RAPGEF2: variants seen among roughly 807,000 people sequenced by gnomAD.
The protein encoded by RAPGEF2 is Rap guanine nucleotide exchange factor 2, also known as PDZ domain containing guanine nucleotide exchange factor (GEF) 1.
In RAPGEF2, 54 loss-of-function variants were observed where a neutral mutation model predicts 186.7. That is an observed-to-expected ratio of 0.29 (90% confidence interval 0.23 to 0.36). The LOEUF is 0.36. Ranked by LOEUF, RAPGEF2 falls within the 10% of genes least tolerant of loss-of-function variation. RAPGEF2 has a pLI of 1.00. For missense variants in RAPGEF2, 1,532 were observed against 2,045.0 expected, an observed-to-expected ratio of 0.75 and a Z score of 4.84; for synonymous variants, 712 against 705.9, an observed-to-expected ratio of 1.01 and a Z score of -0.14.
At chr4:159,322,265 A>C in intron 9 of RAPGEF2, 82 bp from the exon 10 acceptor site, 1 of 1,325,382 alleles carries the variant, frequency 7.5e-7, no homozygotes, top group Non-Finnish European at 1.0e-6. Flanking sequence ...ATTTAAAAAG[A>C]AAGGACCCTA....
chr4:159,164,154 A>G (rs895808981), intron 1 of RAPGEF2, among the ~76,000 whole-genome samples: 25 of 151,872 alleles, frequency 1.6e-4, no homozygotes, highest in African/African-American at 3.1e-4. Flanking sequence ...ACAGGCGCCC[A>G]CCACCACACC....
At chr4:159,257,544 G>C (rs1168518864) in intron 7 of RAPGEF2, among the ~76,000 whole-genome samples, 1 of 152,172 alleles carries the variant, frequency 6.6e-6, no homozygotes, top group East Asian at 1.9e-4. Flanking sequence ...AGATTTGGTT[G>C]GGGATGCAGA....
chr4:159,315,539 A>C (rs1365756842), intron 9 of RAPGEF2, among the ~76,000 whole-genome samples: 5 of 152,052 alleles, frequency 3.3e-5, no homozygotes, highest in African/African-American at 1.2e-4. Context: ...AGGCCCGGGG[A>C]CCACTACCAC....
chr4:159,223,879 T>C (rs1751769174), intron 4 of RAPGEF2, among the ~76,000 whole-genome samples: 1 of 152,164 alleles, frequency 6.6e-6, no homozygotes, highest in Non-Finnish European at 1.5e-5. Context: ...CCAGATTTTA[T>C]AGCCATTATC....
At chr4:159,108,383 CTTT>C (rs35882271) in intron 1 of RAPGEF2, among the ~76,000 whole-genome samples, 4 of 107,882 alleles carry the variant, frequency 3.7e-5, no homozygotes, top group Admixed American at 1.9e-4. Flanking sequence ...ACAGAACTTT[CTTT>C]TTTTTTTTTT....
intron 24 of RAPGEF2, among the ~76,000 whole-genome samples, chr4:159,346,176 A>G (rs1354393361): frequency 4.6e-5 from 7 of 152,170 alleles, no homozygotes; most frequent in African/African-American, 7.2e-5. Context: ...AAGCATACAT[A>G]TGTCATTGAG....
chr4:159,177,695 TCA>T (rs1746582835), intron 1 of RAPGEF2, among the ~76,000 whole-genome samples: 1 of 152,286 alleles, frequency 6.6e-6, no homozygotes, highest in East Asian at 1.9e-4. Context: ...CCATACCGTA[TCA>T]ATAAACATAA....
chr4:159,129,202 A>G (rs1319301542), intron 1 of RAPGEF2, among the ~76,000 whole-genome samples: 3 of 152,198 alleles, frequency 2.0e-5, no homozygotes, highest in Non-Finnish European at 1.5e-5. Flanking sequence ...AAAAGCAATT[A>G]GAATTGCTTT....
At chr4:159,330,644 C>CA (rs200543450) in intron 13 of RAPGEF2, 146 bp downstream of exon 13, 583 of 569,898 alleles carry the variant, frequency 1.0e-3, no homozygotes, top group South Asian at 1.4e-3. Context: ...AACAAAAAAA[C>CA]AAAAAAAAAG....
intron 7 of RAPGEF2, among the ~76,000 whole-genome samples, chr4:159,264,748 C>T (rs1182047969): frequency 1.3e-5 from 2 of 152,040 alleles, no homozygotes; most frequent in Non-Finnish European, 2.9e-5. Flanking sequence ...ACAATAACTC[C>T]CCAATCCCTC....
chr4:159,206,916 AC>A (rs1305531693), intron 3 of RAPGEF2, among the ~76,000 whole-genome samples: 1 of 152,192 alleles, frequency 6.6e-6, no homozygotes, highest in African/African-American at 2.4e-5. Context: ...AATAAGAGTC[AC>A]TGTTTTTTGT....
chr4:159,331,565 C>T lies in RAPGEF2; in HGVS notation c.1575+27C>T, dbSNP rs771831224. Reference sequence around the variant, plus strand: ...TAATATTTGTGGTTTTTTTTAAGATCAGCTTAAAGTTCATTTTATTCAGCC... The same window carrying T: ...TAATATTTGTGGTTTTTTTTAAGATTAGCTTAAAGTTCATTTTATTCAGCC... On this transcript the variant is annotated intron_variant, in intron 14 of 29. Coordinates refer to ENST00000691494, the MANE Select transcript of RAPGEF2 (RefSeq NM_001394067.2). 3.7e-6 allele frequency: 6 copies of T among 1,608,504 alleles called. No homozygotes were observed. The Admixed American group carries it at 1.0e-4, about 27-fold the overall frequency.
At position 159,346,905 on chromosome 4, in the gene RAPGEF2, C is replaced by T; in HGVS notation, c.3619C>T (p.Pro1207Ser). ...SLPQPQQQPPPAHKINQGLQV... is the reference protein window; with the variant it reads ...SLPQPQQQPPSAHKINQGLQV... ...GCCACAGCCCCAGCAGCAGCCACCA[C>T]CAGCACATAAAATCAACCAGGGACT... The change falls in exon 25 of 30, where the codon CCA becomes TCA. Residue 1207 changes from proline to serine, a missense_variant. By Grantham distance (74) the Pro-to-Ser change is moderately conservative. Around this residue, in one of 4 missense-constraint regions of RAPGEF2, gnomAD observed 594 missense variants for 608.5 expected, o/e 0.98. Transcript: ENST00000691494. The T allele has an allele frequency of 1.2e-6, 2 of 1,614,178 alleles. No homozygotes were observed. Among genetic ancestry groups the T allele is most frequent in the South Asian group, 1.1e-5 (1 of 91,078 alleles).
intron 11 of RAPGEF2, chr4:159,327,011 A>G (rs1328249312): frequency 2.0e-5 from 3 of 152,236 alleles, no homozygotes; most frequent in African/African-American, 4.8e-5. Flanking sequence ...AAGCAAATCT[A>G]TGTTAGACTC....
At chr4:159,167,587 A>G (rs1745461089) in intron 1 of RAPGEF2, among the ~76,000 whole-genome samples, 1 of 151,814 alleles carries the variant, frequency 6.6e-6, no homozygotes, top group Non-Finnish European at 1.5e-5. Flanking sequence ...TCCTTTTGTG[A>G]TTTTTTTTCT....
rs551736724 is a variant in RAPGEF2, at chr4:159,170,843, C to T, written c.70-15799C>T. On this transcript the variant is annotated intron_variant, in intron 1 of 29. Coordinates refer to ENST00000691494, the MANE Select transcript of RAPGEF2 (RefSeq NM_001394067.2). Reference sequence around the variant, plus strand: ...ATTAGTTTTACGGTTCCAGGTCTTACGTTTAAGTCTTTATTTTGAGTTTAT... The same window carrying T: ...ATTAGTTTTACGGTTCCAGGTCTTATGTTTAAGTCTTTATTTTGAGTTTAT... Among the ~76,000 whole-genome samples the T allele has an allele frequency of 5.9e-5, 8 of 136,618 alleles. No homozygotes were observed. In the South Asian group the frequency reaches 9.0e-4, roughly 15 times the overall value. The allele number at this position is 136,618 out of a possible 152,430, so 89.6% of individuals were successfully genotyped here. A position where few individuals can be genotyped will look rare whatever the true frequency, so the allele number is the denominator to read the frequency against.
At chr4:159,267,076 T>G (rs1757520646) in intron 7 of RAPGEF2, 2 of 897,594 alleles carry the variant, frequency 2.2e-6, no homozygotes, top group Non-Finnish European at 3.0e-6. Flanking sequence ...AATATTTCAG[T>G]GTGTATAGGG....
At chr4:159,258,734 A>G (rs1428326559) in intron 7 of RAPGEF2, among the ~76,000 whole-genome samples, 1 of 152,210 alleles carries the variant, frequency 6.6e-6, no homozygotes, top group African/African-American at 2.4e-5. Context: ...TGCACAACAG[A>G]TAATACAGGT....
chr4:159,140,468 A>AT (rs1742191656), intron 1 of RAPGEF2, among the ~76,000 whole-genome samples: 1 of 152,202 alleles, frequency 6.6e-6, no homozygotes, highest in Non-Finnish European at 1.5e-5. Flanking sequence ...CTTAAAAGAT[A>AT]TTTTTTGGGA....
Sources: allele counts gnomAD v4.1 joint callset (sites outside exome capture counted in the v4.1 genomes callset), GRCh38; gene constraint gnomAD v4.1.1; regional missense constraint gnomAD v4.1.1; transcripts MANE v1.5; gene names NCBI Gene and HGNC (gene_info 2026-07-23, HGNC 2026-07-21).